SNTG2: variants seen among roughly 807,000 people sequenced by gnomAD.
SNTG2 encodes gamma-2-syntrophin.
Under a neutral mutation model 70.9 loss-of-function variants are expected in SNTG2, and 74 were observed. The observed-to-expected ratio is 1.04, with a 90% CI of 0.86 to 1.27. SNTG2 has a LOEUF of 1.27. Ranked by LOEUF, SNTG2 falls within the 50% of genes most tolerant of loss-of-function variation. SNTG2 has a pLI of 0.00. For missense variants in SNTG2, 717 were observed against 690.7 expected (o/e 1.04, Z -0.43); for synonymous variants, 278 against 273.8 (o/e 1.02, Z -0.15).
intron 1 of SNTG2, among the ~76,000 whole-genome samples, chr2:965,365 C>CCAGTCCTCCTCCTTGGACCT (rs1660516267): frequency 7.8e-6 from 1 of 128,240 alleles, no homozygotes; most frequent in Non-Finnish European, 1.7e-5. Flanking sequence ...CTCCTGGTCC[C>CCAGTCCTCCTCCTTGGACCT]CAATCCTCCT....
At chr2:952,298 C>A (rs1660000078) in intron 1 of SNTG2, among the ~76,000 whole-genome samples, 1 of 152,172 alleles carries the variant, frequency 6.6e-6, no homozygotes, top group Non-Finnish European at 1.5e-5. Context: ...TGGTCACTGC[C>A]TTCAGCTTTA....
intron 12 of SNTG2, among the ~76,000 whole-genome samples, chr2:1,249,984 A>C (rs1359210761): frequency 6.6e-6 from 1 of 152,172 alleles, no homozygotes; most frequent in African/African-American, 2.4e-5. Context: ...AGGAGGGCGC[A>C]TGGCACTGGG....
chr2:1,260,715 T>C (rs1041162472), intron 13 of SNTG2, among the ~76,000 whole-genome samples: 78 of 152,350 alleles, frequency 5.1e-4, no homozygotes, highest in African/African-American at 1.9e-3. Context: ...AAGGAAGCCT[T>C]ATGTTAACAT....
chr2:1,286,504 A>G (rs1679771253), intron 14 of SNTG2, among the ~76,000 whole-genome samples: 2 of 152,190 alleles, frequency 1.3e-5, no homozygotes, highest in African/African-American at 4.8e-5. Flanking sequence ...ACACTTTTTC[A>G]GCCATAAAGT....
chr2:1,086,811 C>T (rs1280533517), intron 2 of SNTG2, among the ~76,000 whole-genome samples: 4 of 151,930 alleles, frequency 2.6e-5, no homozygotes, highest in Non-Finnish European at 5.9e-5. Flanking sequence ...GAACAAGGGG[C>T]TATAAAAAGT....
intron 1 of SNTG2, among the ~76,000 whole-genome samples, chr2:1,048,099 TC>T (rs1661841304): frequency 6.6e-6 from 1 of 152,218 alleles, no homozygotes; most frequent in African/African-American, 2.4e-5. Context: ...CTTATAGTCT[TC>T]ATCCCTATTT....
At chr2:1,010,542 G>T (rs1334605343) in intron 1 of SNTG2, among the ~76,000 whole-genome samples, 1 of 152,192 alleles carries the variant, frequency 6.6e-6, no homozygotes. Flanking sequence ...AGAGAAGTTG[G>T]AATACGGCCA....
At chr2:1,227,883 C>G (rs1675900550) in intron 9 of SNTG2, among the ~76,000 whole-genome samples, 1 of 152,186 alleles carries the variant, frequency 6.6e-6, no homozygotes. Flanking sequence ...TCTGTGGCAC[C>G]AAACACCGCT....
intron 1 of SNTG2, among the ~76,000 whole-genome samples, chr2:1,076,389 A>G (rs188661936): frequency 6.6e-6 from 1 of 152,290 alleles, no homozygotes; most frequent in East Asian, 1.9e-4. Context: ...CCTGATATGC[A>G]TTCACTGATT....
intron 16 of SNTG2, among the ~76,000 whole-genome samples, chr2:1,352,163 C>A (rs1660613241): frequency 1.3e-5 from 2 of 152,200 alleles, no homozygotes; most frequent in African/African-American, 2.4e-5. Context: ...ACACCATGCC[C>A]AACTGTAAAA....
Position 1,207,348 on chromosome 2 carries a change from G to GCCA in SNTG2, c.592-1754_592-1752dup, listed in dbSNP as rs1673698786. On this transcript the variant is annotated intron_variant, in intron 8 of 16. Transcript: ENST00000308624. ...TGCCACTTTTGCTATTGAGCTATTGGCCATGGAATTAATAAATATAGAGAA... is the reference window on the plus strand; with the variant it reads ...TGCCACTTTTGCTATTGAGCTATTGGCCACCATGGAATTAATAAATATAGAGAA... Among the ~76,000 whole-genome samples the GCCA allele has an allele frequency of 1.3e-5, 2 of 152,178 alleles. 1 individual carries two copies.
intron 1 of SNTG2, among the ~76,000 whole-genome samples, chr2:1,072,625 G>A (rs1311625144): frequency 6.6e-6 from 1 of 152,160 alleles, no homozygotes; most frequent in Non-Finnish European, 1.5e-5. Flanking sequence ...CTGATTTCAT[G>A]CCTGTTAATA....
intron 11 of SNTG2, among the ~76,000 whole-genome samples, chr2:1,243,981 G>A (rs911548549): frequency 1.3e-5 from 2 of 152,282 alleles, no homozygotes; most frequent in South Asian, 2.1e-4. Context: ...AGCCAAGAGC[G>A]TGCCACTGCA....
chr2:1,128,284 C>T lies in SNTG2; in HGVS notation c.326-9338C>T, dbSNP rs563379786. 2.8e-3 allele frequency among the ~76,000 whole-genome samples: 420 copies of T among 152,028 alleles called. 3 individuals carry two copies. The highest frequency in any genetic ancestry group is 0.015 in the South Asian group (70 of 4,814). On this transcript the variant is annotated intron_variant, in intron 4 of 16. Transcript: ENST00000308624. ...GAATAATGGAATCAAGATTATATCT[C>T]GAGTCTATTCATTTCACCATTTGGG...
chr2:1,203,673 A>AAAAT (rs1451954919), intron 8 of SNTG2, among the ~76,000 whole-genome samples: 199 of 115,492 alleles, frequency 1.7e-3, no homozygotes, highest in African/African-American at 6.1e-3. Context: ...CAAAAAAAAA[A>AAAAT]ATATATATAT....
intron 16 of SNTG2, among the ~76,000 whole-genome samples, chr2:1,322,293 T>C (rs144987200): frequency 2.6e-5 from 4 of 152,224 alleles, no homozygotes; most frequent in Non-Finnish European, 5.9e-5. Context: ...TGAAGACTGC[T>C]CTCCAGAGGC....
At chr2:1,363,142 A>C in intron 16 of SNTG2, among the ~76,000 whole-genome samples, 1 of 131,012 alleles carries the variant, frequency 7.6e-6, no homozygotes, top group Non-Finnish European at 1.6e-5. Flanking sequence ...CCCCCCATGA[A>C]AGAGGAACCA....
At chr2:1,233,934 A>T (rs1378403999) in intron 9 of SNTG2, among the ~76,000 whole-genome samples, 1 of 151,994 alleles carries the variant, frequency 6.6e-6, no homozygotes, top group African/African-American at 2.4e-5. Flanking sequence ...CTCTGCCTTC[A>T]CTTGGTGTGG....
At chr2:1,197,837 G>C (rs1673022541) in intron 8 of SNTG2, among the ~76,000 whole-genome samples, 1 of 151,986 alleles carries the variant, frequency 6.6e-6, no homozygotes, top group South Asian at 2.1e-4. Flanking sequence ...CTGACCCAGA[G>C]CACCCATAAA....
Sources: gnomAD v4.1 joint callset for allele counts (sites outside exome capture counted in the v4.1 genomes callset) on GRCh38, gnomAD v4.1.1 for gene constraint, MANE v1.5 for transcripts, NCBI Gene and HGNC (gene_info 2026-07-23, HGNC 2026-07-21) for gene names.